CHD6: variants seen among roughly 807,000 people sequenced by gnomAD.
The protein encoded by CHD6 is ATP-dependent chromatin remodeler CHD6.
In CHD6, 50 loss-of-function variants were observed where a neutral mutation model predicts 276.9. That is an observed-to-expected ratio of 0.18 (90% CI 0.14 to 0.23). CHD6 has a LOEUF of 0.23. CHD6 is among the 10% of genes least tolerant of loss of function. The probability of loss-of-function intolerance (pLI) is 1.00; values close to 1 mark genes in which losing one functional copy is unlikely to be tolerated. For synonymous variants in CHD6, 1,173 were observed against 1,229.3 expected, an observed-to-expected ratio of 0.95 and a Z score of 0.96; for missense variants, 2,564 against 3,365.8, an observed-to-expected ratio of 0.76 and a Z score of 5.89.
intron 5 of CHD6, among the ~76,000 whole-genome samples, chr20:41,509,723 T>C (rs1255303613): frequency 6.6e-6 from 1 of 152,170 alleles, no homozygotes; most frequent in Non-Finnish European, 1.5e-5. Flanking sequence ...AGTCTTTACA[T>C]TGTAAAGGCA....
At chr20:41,508,398 G>C (rs935906571) in intron 5 of CHD6, among the ~76,000 whole-genome samples, 2 of 152,248 alleles carry the variant, frequency 1.3e-5, no homozygotes, top group Non-Finnish European at 2.9e-5. Flanking sequence ...TGGATTTCGT[G>C]AGCAGGAGAC....
In CHD6 at chr20:41,502,212, A is replaced by AT. The variant is rs201191263; in HGVS notation, c.853-2856dup. ...ATTGCCACCAACATCATTAAGCTAC[A>AT]TATGTAATTTAAAATTTTCTAGTAG... On this transcript the variant is annotated intron_variant, in intron 5 of 36. Coordinates refer to ENST00000373233, the MANE Select transcript of CHD6 (RefSeq NM_032221.5). Among the ~76,000 whole-genome samples the AT allele has an allele frequency of 7.5e-3, 1,149 of 152,322 alleles. 18 individuals carry two copies. The highest frequency in any genetic ancestry group is 0.026 in the African/African-American group (1,087 of 41,580).
chr20:41,566,603 C>T (rs535263352), intron 1 of CHD6, among the ~76,000 whole-genome samples: 14 of 152,174 alleles, frequency 9.2e-5, no homozygotes, highest in Non-Finnish European at 1.9e-4. Flanking sequence ...TAGAGGATTT[C>T]CATTTCTTGC....
At chr20:41,590,180 G>C (rs908821490) in intron 1 of CHD6, among the ~76,000 whole-genome samples, 3 of 152,154 alleles carry the variant, frequency 2.0e-5, no homozygotes, top group African/African-American at 7.2e-5. Context: ...GCTGAAGTTC[G>C]ATCCCTTCTT....
chr20:41,551,526 T>C (rs1351241154), intron 1 of CHD6, among the ~76,000 whole-genome samples, 166 bp from the exon 2 acceptor site: 1 of 152,206 alleles, frequency 6.6e-6, no homozygotes. Flanking sequence ...CCTAATTAGA[T>C]CTAACTCTGT....
intron 1 of CHD6, among the ~76,000 whole-genome samples, chr20:41,586,244 T>A (rs767103527): frequency 6.6e-6 from 1 of 152,166 alleles, no homozygotes. Context: ...TCGCTCCCTG[T>A]CAACTACTGC....
intron 1 of CHD6, among the ~76,000 whole-genome samples, chr20:41,593,090 A>G (rs888404436): frequency 6.6e-6 from 1 of 152,004 alleles, no homozygotes; most frequent in Non-Finnish European, 1.5e-5. Context: ...CTTCTACAGA[A>G]AACAATTTCT....
At chr20:41,446,212 C>T (rs2048063970) in intron 24 of CHD6, among the ~76,000 whole-genome samples, 1 of 152,118 alleles carries the variant, frequency 6.6e-6, no homozygotes, top group Admixed American at 6.5e-5. Context: ...CAGTATGTTG[C>T]CTCAACAAGT....
At chr20:41,542,899 T>C (rs2044972085) in intron 2 of CHD6, among the ~76,000 whole-genome samples, 1 of 151,728 alleles carries the variant, frequency 6.6e-6, no homozygotes, top group Admixed American at 6.6e-5. Context: ...GGTCAGGAGA[T>C]TGAGACCATC....
chr20:41,452,798 C>T lies in CHD6; in HGVS notation c.3265G>A (p.Ala1089Thr). The T allele has an allele frequency of 6.2e-7, 1 of 1,613,368 alleles. No homozygotes were observed. The highest frequency in any genetic ancestry group is 1.3e-5 in the African/African-American group (1 of 74,746). ...PTRSRRLNDKARRYLRAECFR... is the reference protein window; with the variant it reads ...PTRSRRLNDKTRRYLRAECFR... Reference sequence around the variant, plus strand: ...CACTCCGCTCGGAGGTAGCGCCTGGCTTTGTCATTGAGGCGCCTGGATCTC... The same window carrying T: ...CACTCCGCTCGGAGGTAGCGCCTGGTTTTGTCATTGAGGCGCCTGGATCTC... The change falls in exon 21 of 37, where the codon GCC becomes ACC. Residue 1089 changes from alanine to threonine, a missense_variant. Ala to Thr is a moderately conservative substitution (Grantham distance 58). Around this residue, in one of 7 missense-constraint regions of CHD6, gnomAD observed 515 missense variants for 739.5 expected, o/e 0.70. Transcript: ENST00000373233. The surrounding 1 kb of genome is among the most constrained non-coding windows in gnomAD (Gnocchi z 4.2).
At chr20:41,456,166 T>A (rs1025066363) in intron 18 of CHD6, among the ~76,000 whole-genome samples, 187 bp from the exon 19 acceptor site, 16 of 152,176 alleles carry the variant, frequency 1.1e-4, no homozygotes, top group African/African-American at 3.4e-4. Context: ...AGGCAGACAG[T>A]CCTCTATAGG....
chr20:41,475,330 T>C lies in CHD6; in HGVS notation c.2469-1813A>G, dbSNP rs553085881. On this transcript the variant is annotated intron_variant, in intron 16 of 36. Transcript: ENST00000373233. The stretch of plus-strand genomic sequence containing the variant: ...ACAAGTAACATATCTTGCTCAGTCA[T>C]CTAGCTGGTTAAGTGAGTTAAACCC... 7.9e-5 allele frequency among the ~76,000 whole-genome samples: 12 copies of C among 152,312 alleles called. No homozygotes were observed. The East Asian group carries it at 2.1e-3, about 27-fold the overall frequency.
At chr20:41,471,779 C>G (rs778873813) in intron 17 of CHD6, among the ~76,000 whole-genome samples, 7 of 152,052 alleles carry the variant, frequency 4.6e-5, no homozygotes, top group Non-Finnish European at 8.8e-5. Flanking sequence ...TTGTGATCCG[C>G]CTGCCTTGGC....
chr20:41,578,692 C>CAAA (rs11471711), intron 1 of CHD6, among the ~76,000 whole-genome samples: 10 of 104,920 alleles, frequency 9.5e-5, no homozygotes, highest in African/African-American at 2.9e-4. Context: ...GACTCCGTCT[C>CAAA]AAAAAAAAAA....
chr20:41,495,909 G>A (rs548371778), intron 8 of CHD6, among the ~76,000 whole-genome samples: 1 of 152,346 alleles, frequency 6.6e-6, no homozygotes, highest in East Asian at 1.9e-4. Flanking sequence ...CCACCCAGGT[G>A]TGTGTGAGGC....
intron 16 of CHD6, among the ~76,000 whole-genome samples, chr20:41,482,249 T>C (rs118184370): frequency 2.9e-4 from 44 of 152,280 alleles, no homozygotes; most frequent in East Asian, 5.8e-4. Flanking sequence ...TAATCTATAG[T>C]GAATTGAAAG....
intron 1 of CHD6, among the ~76,000 whole-genome samples, chr20:41,580,637 C>T (rs1183762280): frequency 3.9e-5 from 5 of 127,924 alleles, no homozygotes; most frequent in African/African-American, 1.7e-4. Context: ...CACAGTGAAA[C>T]CCAGTCTCAA....
intron 31 of CHD6, among the ~76,000 whole-genome samples, chr20:41,417,667 C>T (rs908055617): frequency 4.1e-4 from 62 of 152,204 alleles, no homozygotes; most frequent in African/African-American, 1.4e-3. Flanking sequence ...CACAAAGAGG[C>T]TTCTCACTTA....
intron 2 of CHD6, chr20:41,547,764 C>T: frequency 1.9e-6 from 1 of 535,712 alleles, no homozygotes; most frequent in South Asian, 1.4e-5. Context: ...CACTGCTCGA[C>T]AGATGCAGCA....
Sources: gnomAD v4.1 joint callset for allele counts (sites outside exome capture counted in the v4.1 genomes callset) on GRCh38, gnomAD v4.1.1 for gene constraint, gnomAD v4.1.1 regional missense constraint, Gnocchi (gnomAD v3.1) non-coding constraint, MANE v1.5 for transcripts, NCBI Gene and HGNC (gene_info 2026-07-23, HGNC 2026-07-21) for gene names.